DCAF10: variants seen among roughly 807,000 people sequenced by gnomAD.
DCAF10 encodes the protein DDB1 and CUL4 associated factor 10, also known as DDB1- and CUL4-associated factor 10.
DCAF10 carries 19 observed loss-of-function variants against 51.9 expected under a neutral mutation model. The observed-to-expected ratio is 0.37, with a 90% CI of 0.26 to 0.54. The LOEUF (loss-of-function observed/expected upper bound fraction) is 0.54, where lower values mean the gene tolerates loss of function less well. Among genes scored for constraint, DCAF10 ranks in the 20% least tolerant of loss-of-function variants. DCAF10 has a pLI of 0.87. For missense variants in DCAF10, 510 were observed against 730.6 expected (o/e 0.70, Z 3.48); for synonymous variants, 291 against 297.1 (o/e 0.98, Z 0.21).
Position 37,801,065 on chromosome 9 carries a change from C to A in DCAF10, c.199C>A (p.Arg67Ser). ...PGAPSLSPAP[R>S]SGELGLPGAP... ...CGCCCCATCGCTGTCCCCGGCCCCG[C>A]GCTCCGGAGAGCTAGGGCTGCCTGG... Residue 67 changes from arginine (R) to serine (S), a missense_variant, in exon 1 of 7, where the codon CGC (arginine) becomes AGC (serine). Coordinates refer to ENST00000377724, the MANE Select transcript of DCAF10 (RefSeq NM_024345.5). The surrounding 1 kb of genome is among the most constrained non-coding windows in gnomAD (Gnocchi z 5.5). The A allele has an allele frequency of 6.5e-7, 1 of 1,532,134 alleles. No individual in the cohort carries two copies. The highest frequency in any genetic ancestry group is 8.7e-7 in the Non-Finnish European group (1 of 1,147,360). 94.9% of individuals were successfully genotyped at this position (1,532,134 alleles called of 1,614,324 possible). A position where few individuals can be genotyped will look rare whatever the true frequency, so the allele number is the denominator to read the frequency against.
chr9:37,839,325 G>T (rs1830266434), intron 2 of DCAF10, among the ~76,000 whole-genome samples: 1 of 152,132 alleles, frequency 6.6e-6, no homozygotes, highest in African/African-American at 2.4e-5. Flanking sequence ...CTCTCAAAGT[G>T]CTGGGATTAC....
At chr9:37,857,964 G>C (rs16934505) in intron 5 of DCAF10, among the ~76,000 whole-genome samples, 29,203 of 151,956 alleles carry the variant, frequency 0.19, 3,212 homozygotes, top group African/African-American at 0.29. Context: ...ACTAACTGAC[G>C]TCTAAGCTCT....
intron 2 of DCAF10, among the ~76,000 whole-genome samples, chr9:37,826,706 A>G (rs1680767541): frequency 6.6e-6 from 1 of 152,182 alleles, no homozygotes; most frequent in Admixed American, 6.5e-5. Context: ...CCTGTGCCAC[A>G]TGTATGAGAT....
In DCAF10 at chr9:37,840,905, C is replaced by T. The variant is rs142740334; in HGVS notation, c.654-1184C>T. Among the ~76,000 whole-genome samples, 135 of 152,094 alleles carry T rather than the reference C, an allele frequency of 8.9e-4. 2 individuals carry two copies. In the East Asian group the frequency reaches 0.023, roughly 26 times the overall value. Reference sequence around the variant, plus strand: ...CTATCTTTCAATATACAAATACTTACGATTGTGTTACAGTTGCCTACAGTA... The same window carrying T: ...CTATCTTTCAATATACAAATACTTATGATTGTGTTACAGTTGCCTACAGTA... On this transcript the variant is annotated intron_variant, in intron 2 of 6. Coordinates refer to ENST00000377724, the MANE Select transcript of DCAF10 (RefSeq NM_024345.5).
At position 37,852,930 on chromosome 9, in the gene DCAF10, TTATATA is replaced by T. The variant is rs59469290; in HGVS notation, c.852-1819_852-1814del. 7.5e-4 allele frequency among the ~76,000 whole-genome samples: 82 copies of T among 109,822 alleles called. 1 individual carries two copies. The highest frequency in any genetic ancestry group is 4.8e-3 in the Middle Eastern group (1 of 208). 72.0% of individuals were successfully genotyped at this position (109,822 alleles called of 152,430 possible). A position where few individuals can be genotyped will look rare whatever the true frequency, so the allele number is the denominator to read the frequency against. ...CATCATAAATGTTAAGTATGTGAGG[TTATATA>T]TATATATATATATATATATATATAT... On this transcript the variant is annotated intron_variant, in intron 3 of 6. Coordinates refer to ENST00000377724, the MANE Select transcript of DCAF10 (RefSeq NM_024345.5).
In DCAF10 at chr9:37,850,827, TATATATATA is replaced by T. The variant is rs1487420389; in HGVS notation, c.852-3952_852-3944del. Among the ~76,000 whole-genome samples the T allele has an allele frequency of 1.5e-4, 10 of 66,080 alleles. 1 individual carries two copies. The highest frequency in any genetic ancestry group is 2.1e-4 in the Non-Finnish European group (8 of 37,318). 43.4% of individuals were successfully genotyped at this position (66,080 alleles called of 152,430 possible). ...ATGCTAAGTATGTGAGGATATATTT[TATATATATA>T]TATATATATATATATATATATATAT... On this transcript the variant is annotated intron_variant, in intron 3 of 6. Transcript: ENST00000377724.
At chr9:37,818,985 C>G (rs1829627538) in intron 1 of DCAF10, among the ~76,000 whole-genome samples, 1 of 152,084 alleles carries the variant, frequency 6.6e-6, no homozygotes, top group South Asian at 2.1e-4. Flanking sequence ...AATTAGTTCT[C>G]TAGATTAAAT....
intron 1 of DCAF10, among the ~76,000 whole-genome samples, chr9:37,806,901 AG>A (rs1207696759): frequency 2.6e-5 from 4 of 152,212 alleles, no homozygotes; most frequent in Non-Finnish European, 5.9e-5. Context: ...ATTAAGAAGC[AG>A]AAAGTTTATT....
In DCAF10 at chr9:37,850,827, TATATATATATATATATATATA is replaced by T. The variant is rs1349207726; in HGVS notation, c.852-3952_852-3932del. On this transcript the variant is annotated intron_variant, in intron 3 of 6. Transcript: ENST00000377724. ...ATGCTAAGTATGTGAGGATATATTT[TATATATATATATATATATATA>T]TATATATATATATATATATATATAT... Among the ~76,000 whole-genome samples, 18 of 66,060 alleles carry T rather than the reference TATATATATATATATATATATA, an allele frequency of 2.7e-4. No individual in the cohort carries two copies. In the East Asian group the frequency reaches 3.4e-3, roughly 12 times the overall value. The allele number at this position is 66,060 out of a possible 152,430, so 43.3% of individuals were successfully genotyped here. A position where few individuals can be genotyped will look rare whatever the true frequency, so the allele number is the denominator to read the frequency against.
At chr9:37,860,017 A>G in intron 5 of DCAF10, 31 bp from the exon 6 acceptor site, 1 of 1,612,610 alleles carries the variant, frequency 6.2e-7, no homozygotes, top group Non-Finnish European at 8.5e-7. Context: ...TGATAATACA[A>G]ATCCCACATC....
chr9:37,819,242 C>T (rs745893533), intron 1 of DCAF10, 46 bp from the exon 2 acceptor site: 14 of 1,459,012 alleles, frequency 9.6e-6, no homozygotes, highest in Middle Eastern at 1.7e-4. Flanking sequence ...CAATAACCAG[C>T]GAATGCTAGA....
chr9:37,832,601 TTTC>T (rs1830040529), intron 2 of DCAF10, among the ~76,000 whole-genome samples: 1 of 152,222 alleles, frequency 6.6e-6, no homozygotes. Context: ...GAACACGAAA[TTTC>T]TTATCTTACA....
At chr9:37,836,337 G>A in intron 2 of DCAF10, 8 of 1,610,718 alleles carry the variant, frequency 5.0e-6, no homozygotes, top group Non-Finnish European at 5.1e-6. Context: ...ACAGTTACCA[G>A]AACACATCAA....
chr9:37,828,715 A>G (rs1002310418), intron 2 of DCAF10, among the ~76,000 whole-genome samples: 3 of 152,218 alleles, frequency 2.0e-5, no homozygotes, highest in Admixed American at 6.5e-5. Context: ...CTGTGTATCT[A>G]TAAAAATGTT....
intron 1 of DCAF10, among the ~76,000 whole-genome samples, chr9:37,810,443 A>ATTTC (rs1203615300): frequency 1.3e-4 from 20 of 150,974 alleles, no homozygotes; most frequent in Admixed American, 2.6e-4. Context: ...GCTGAATGGT[A>ATTTC]TTTCTTTCTT....
chr9:37,840,039 G>C (rs887024825), intron 2 of DCAF10, among the ~76,000 whole-genome samples: 2 of 152,062 alleles, frequency 1.3e-5, no homozygotes, highest in Non-Finnish European at 2.9e-5. Flanking sequence ...AGAATGCTTT[G>C]GGAGCTCAGA....
intron 2 of DCAF10, among the ~76,000 whole-genome samples, chr9:37,833,383 A>G (rs1464999708): frequency 1.3e-5 from 2 of 152,252 alleles, no homozygotes; most frequent in Non-Finnish European, 2.9e-5. Context: ...GATAAACATC[A>G]TAAAGTCAAA....
In DCAF10 at chr9:37,863,234, G is replaced by A. The variant is rs570680112; in HGVS notation, c.*1726G>A. The A allele has an allele frequency of 6.8e-6, 1 of 147,384 alleles. No homozygotes were observed. The highest frequency in any genetic ancestry group is 2.1e-4 in the South Asian group (1 of 4,666). 9.1% of individuals were successfully genotyped at this position (147,384 alleles called of 1,614,324 possible). Reference sequence around the variant, plus strand: ...CCAGCTACCCAGGAGGCTGAGGCAAGAGAATCACTTGAACCCGGGAGGCAG... The same window carrying A: ...CCAGCTACCCAGGAGGCTGAGGCAAAAGAATCACTTGAACCCGGGAGGCAG... On this transcript the variant is annotated 3_prime_UTR_variant, in exon 7 of 7. Transcript: ENST00000377724.
At chr9:37,826,760 C>G (rs1000852780) in intron 2 of DCAF10, among the ~76,000 whole-genome samples, 2 of 150,980 alleles carry the variant, frequency 1.3e-5, no homozygotes, top group Admixed American at 6.6e-5. Flanking sequence ...TAGTAAGAAG[C>G]AGAATATGTA....
Sources: allele counts gnomAD v4.1 joint callset (sites outside exome capture counted in the v4.1 genomes callset), GRCh38; gene constraint gnomAD v4.1.1; non-coding constraint Gnocchi (gnomAD v3.1); transcripts MANE v1.5; gene names NCBI Gene and HGNC (gene_info 2026-07-23, HGNC 2026-07-21).